The following RIT2 variants were observed in gnomAD, a reference collection of about 807,000 sequenced individuals.
The protein encoded by RIT2 is Ras like without CAAX 2, also known as GTP-binding protein Rit2.
A neutral mutation model predicts 23.7 loss-of-function variants in RIT2; 24 were observed. That is an observed-to-expected ratio of 1.01 (90% CI 0.73 to 1.43). The LOEUF (loss-of-function observed/expected upper bound fraction) is 1.43. Ranked by LOEUF, RIT2 falls within the 40% of genes most tolerant of loss-of-function variation. The pLI, the probability that RIT2 is intolerant of heterozygous loss-of-function variation, is 0.00. For synonymous variants in RIT2, 107 were observed against 91.1 expected, an observed-to-expected ratio of 1.17 and a Z score of -0.99; for missense variants, 236 against 266.9, an observed-to-expected ratio of 0.88 and a Z score of 0.81.
chr18:42,925,305 T>C (rs1438653882), intron 3 of RIT2, among the ~76,000 whole-genome samples: 1 of 152,076 alleles, frequency 6.6e-6, no homozygotes, highest in Non-Finnish European at 1.5e-5. Context: ...TGAAATCCTA[T>C]GTCGCAATCA....
At chr18:42,965,674 T>C (rs1446139443) in intron 3 of RIT2, among the ~76,000 whole-genome samples, 1 of 127,476 alleles carries the variant, frequency 7.8e-6, no homozygotes, top group African/African-American at 2.9e-5. Flanking sequence ...TATAAAAATA[T>C]AAAAATATGG....
chr18:43,114,266 TGAG>T (rs1244384732), intron 1 of RIT2, among the ~76,000 whole-genome samples: 2 of 152,088 alleles, frequency 1.3e-5, no homozygotes, highest in African/African-American at 2.4e-5. Flanking sequence ...TTTTGTAGGG[TGAG>T]GAGAAGAGGT....
chr18:42,984,901 T>G (rs1193998718), intron 2 of RIT2, among the ~76,000 whole-genome samples: 1 of 151,720 alleles, frequency 6.6e-6, no homozygotes, highest in Admixed American at 6.6e-5. Context: ...AACAGTTTTA[T>G]TCACCTCATG....
At chr18:42,876,464 G>A (rs938765496) in intron 4 of RIT2, among the ~76,000 whole-genome samples, 1 of 151,324 alleles carries the variant, frequency 6.6e-6, no homozygotes, top group South Asian at 2.1e-4. Context: ...GAAAAGGAAC[G>A]AGGTCTTAAA....
intron 2 of RIT2, among the ~76,000 whole-genome samples, chr18:42,974,430 G>A (rs141172881): frequency 2.6e-5 from 4 of 151,990 alleles, no homozygotes; most frequent in African/African-American, 4.8e-5. Flanking sequence ...AATGTTATTC[G>A]TTCTTTCCTA....
At chr18:43,018,702 T>C (rs1468295245) in intron 2 of RIT2, among the ~76,000 whole-genome samples, 2 of 151,926 alleles carry the variant, frequency 1.3e-5, no homozygotes, top group African/African-American at 4.8e-5. Context: ...AAATACTAAG[T>C]AATGTTATTC....
At chr18:42,820,079 A>C (rs1292711690) in intron 4 of RIT2, among the ~76,000 whole-genome samples, 1 of 152,144 alleles carries the variant, frequency 6.6e-6, no homozygotes, top group Non-Finnish European at 1.5e-5. Flanking sequence ...GAACAAATTT[A>C]AGTTTCGCTT....
At chr18:42,780,350 T>G (rs1016203166) in intron 4 of RIT2, among the ~76,000 whole-genome samples, 1 of 151,942 alleles carries the variant, frequency 6.6e-6, no homozygotes, top group African/African-American at 2.4e-5. Context: ...CAACTCAGCT[T>G]GAGTCAAGGT....
intron 4 of RIT2, among the ~76,000 whole-genome samples, chr18:42,784,659 GT>G (rs1037976971): frequency 3.3e-5 from 5 of 152,032 alleles, no homozygotes; most frequent in Admixed American, 2.6e-4. Flanking sequence ...CAACTGCAAT[GT>G]TTTTTCTGTC....
chr18:43,071,422 T>A (rs1912894358), intron 1 of RIT2, among the ~76,000 whole-genome samples: 1 of 152,160 alleles, frequency 6.6e-6, no homozygotes. Flanking sequence ...AAAAAGAACA[T>A]CTTTATTTCT....
intron 3 of RIT2, among the ~76,000 whole-genome samples, chr18:42,940,855 G>A (rs1344796191): frequency 1.3e-5 from 2 of 152,084 alleles, no homozygotes; most frequent in African/African-American, 2.4e-5. Context: ...AAAATAGCAT[G>A]CTGGTAAGTT....
Position 42,869,220 on chromosome 18 carries a change from G to A in RIT2, c.426+54352C>T, listed in dbSNP as rs75345277. Among the ~76,000 whole-genome samples, 17 of 152,244 alleles carry A rather than the reference G, an allele frequency of 1.1e-4. No individual in the cohort carries two copies. The East Asian group carries it at 2.1e-3, about 19-fold the overall frequency. On this transcript the variant is annotated intron_variant, in intron 4 of 4. Transcript: ENST00000326695. The stretch of plus-strand genomic sequence containing the variant: ...GAAACTGTTCCACTTCATATCAGGC[G>A]TTAGATTCTCAAAAGGAGCACACAA...
intron 2 of RIT2, among the ~76,000 whole-genome samples, chr18:43,024,558 C>G (rs1911666431): frequency 6.6e-6 from 1 of 151,932 alleles, no homozygotes; most frequent in South Asian, 2.1e-4. Context: ...CAAAAATAGA[C>G]AGATAGAACT....
chr18:42,795,200 C>T (rs1270062891), intron 4 of RIT2, among the ~76,000 whole-genome samples: 1 of 152,208 alleles, frequency 6.6e-6, no homozygotes, highest in Admixed American at 6.5e-5. Context: ...CCTTTCTGGG[C>T]TGGCCAAGGC....
chr18:42,867,609 G>C (rs771373082), intron 4 of RIT2, among the ~76,000 whole-genome samples: 33 of 147,706 alleles, frequency 2.2e-4, no homozygotes, highest in Non-Finnish European at 3.6e-4. Context: ...AACATAACGA[G>C]GCCCTATTTC....
intron 2 of RIT2, among the ~76,000 whole-genome samples, chr18:43,026,014 T>A (rs1159210301): frequency 6.6e-6 from 1 of 151,966 alleles, no homozygotes; most frequent in African/African-American, 2.4e-5. Flanking sequence ...TCTGTTATAG[T>A]GAAAATAAGC....
chr18:42,815,317 C>A (rs1351094572), intron 4 of RIT2, among the ~76,000 whole-genome samples: 1 of 152,106 alleles, frequency 6.6e-6, no homozygotes, highest in Admixed American at 6.5e-5. Flanking sequence ...TACAGAAATG[C>A]AAACTGCTCT....
chr18:42,748,570 C>T (rs1912973299), intron 4 of RIT2, among the ~76,000 whole-genome samples: 1 of 152,022 alleles, frequency 6.6e-6, no homozygotes, highest in Non-Finnish European at 1.5e-5. Context: ...ACCAGTTGAT[C>T]CAGCAATGTC....
chr18:43,008,701 T>C (rs1336182236), intron 2 of RIT2, among the ~76,000 whole-genome samples: 1 of 151,610 alleles, frequency 6.6e-6, no homozygotes, highest in African/African-American at 2.4e-5. Context: ...ACATTTTATA[T>C]TATCATGAGC....
Sources: gnomAD v4.1 joint callset for allele counts (sites outside exome capture counted in the v4.1 genomes callset) on GRCh38, gnomAD v4.1.1 for gene constraint, MANE v1.5 for transcripts, NCBI Gene and HGNC (gene_info 2026-07-23, HGNC 2026-07-21) for gene names.